Variants in EFR3B observed in about 807,000 individuals in gnomAD.
EFR3B encodes EFR3 homolog B.
A neutral mutation model predicts 104.7 loss-of-function variants in EFR3B; 64 were observed. The observed-to-expected ratio is 0.61, with a 90% CI of 0.50 to 0.75. The LOEUF (loss-of-function observed/expected upper bound fraction) is 0.75. EFR3B is among the 30% of genes least tolerant of loss of function. The pLI is 0.00. For synonymous variants in EFR3B, 385 were observed against 417.9 expected, an observed-to-expected ratio of 0.92 and a Z score of 0.96; for missense variants, 750 against 1,078.5, an observed-to-expected ratio of 0.70 and a Z score of 4.27.
At chr2:25,097,198 A>T (rs538712757) in intron 3 of EFR3B, among the ~76,000 whole-genome samples, 1 of 152,342 alleles carries the variant, frequency 6.6e-6, no homozygotes, top group East Asian at 1.9e-4. Flanking sequence ...AAAATTTAGT[A>T]CCATTCTGTT....
At chr2:25,141,027 C>T (rs531542515) in intron 16 of EFR3B, among the ~76,000 whole-genome samples, 19 of 130,716 alleles carry the variant, frequency 1.5e-4, no homozygotes, top group Non-Finnish European at 2.3e-4. Context: ...GACAAGACAG[C>T]GAGACTCCGT....
At chr2:25,141,245 A>C (rs1277945870) in intron 16 of EFR3B, 121 bp from the exon 17 acceptor site, 17 of 1,003,436 alleles carry the variant, frequency 1.7e-5, no homozygotes, top group Non-Finnish European at 2.3e-5. Context: ...AGCTGAGGAC[A>C]CTGTGCTGAG....
At chr2:25,119,567 C>T (rs1313826567) in intron 4 of EFR3B, among the ~76,000 whole-genome samples, 8 of 152,234 alleles carry the variant, frequency 5.3e-5, no homozygotes, top group East Asian at 1.9e-4. Context: ...CTTGTGATCA[C>T]GTGGATTACC....
chr2:25,128,360 G>A (rs2149203953), intron 6 of EFR3B, 28 bp downstream of exon 6: 1 of 1,551,066 alleles, frequency 6.4e-7, no homozygotes, highest in South Asian at 1.2e-5. Context: ...GGGCAGGACA[G>A]TAGATATAAT....
chr2:25,121,695 A>T lies in EFR3B; in HGVS notation c.386A>T (p.Glu129Val), dbSNP rs1034907838. The change falls in exon 5 of 23, where the codon GAG (glutamate) becomes GTG (valine). Residue 129 changes from glutamate to valine, a missense_variant. By Grantham distance (121) the Glu-to-Val change is moderately radical. Coordinates refer to ENST00000403714, the MANE Select transcript of EFR3B (RefSeq NM_014971.2). ...TAGTTTGTGAAGTTTGCCAACATCG[A>T]GGAGGACACCCCGTCCTATCACCGG... is the stretch of plus-strand genomic sequence containing the variant. ...TNSFVKFANI[E>V]EDTPSYHRSY... 1.9e-6 allele frequency: 3 copies of T among 1,551,594 alleles called. No homozygotes were observed.
Position 25,143,717 on chromosome 2 carries a change from C to T in EFR3B, c.1923-18C>T. ...ATACCGCGGTTCTAACGAACTTTCT[C>T]CCTCCTTCATCTTCCAGGCTGTCTC... On this transcript the variant is annotated intron_variant, in intron 17 of 22. Coordinates refer to ENST00000403714, the MANE Select transcript of EFR3B (RefSeq NM_014971.2). 1 of 1,551,156 alleles carries T rather than the reference C, an allele frequency of 6.4e-7. No individual in the cohort carries two copies. Among genetic ancestry groups the T allele is most frequent in the South Asian group, 1.2e-5 (1 of 84,004 alleles).
intron 1 of EFR3B, among the ~76,000 whole-genome samples, chr2:25,067,935 C>A (rs1473371198): frequency 6.6e-6 from 1 of 152,096 alleles, no homozygotes; most frequent in African/African-American, 2.4e-5. Context: ...CCCACCTTGG[C>A]CCCCAAAGTG....
intron 1 of EFR3B, among the ~76,000 whole-genome samples, chr2:25,090,244 C>T (rs1173691761): frequency 6.6e-6 from 1 of 152,212 alleles, no homozygotes; most frequent in Non-Finnish European, 1.5e-5. Context: ...TCCCAGGCCC[C>T]CCGGGCCCCT....
chr2:25,137,460 G>C lies in EFR3B; in HGVS notation c.1680G>C (p.Glu560Asp). Residue 560 changes from glutamate to aspartate, a missense_variant, in exon 15 of 23, where the codon GAG becomes GAC. Physicochemically the swap from Glu to Asp is conservative, Grantham distance 45 (BLOSUM62 2). Transcript: ENST00000403714. This position sits in a 1 kb window ranked among gnomAD's most constrained non-coding sequence, Gnocchi z 4.7. Reference sequence around the variant, plus strand: ...TCATCAGCATCGAGCTGGCTAACGAGGAGGTGGTGGTGGACCTCATCCGTC... The same window carrying C: ...TCATCAGCATCGAGCTGGCTAACGACGAGGTGGTGGTGGACCTCATCCGTC... Reference protein sequence around the residue: ...LALISIELANEEVVVDLIRLV... With the variant: ...LALISIELANDEVVVDLIRLV... 1 of 1,551,730 alleles carries C rather than the reference G, an allele frequency of 6.4e-7. No individual in the cohort carries two copies.
intron 19 of EFR3B, among the ~76,000 whole-genome samples, chr2:25,148,286 C>T (rs1670885385): frequency 1.3e-5 from 2 of 151,474 alleles, no homozygotes; most frequent in Non-Finnish European, 2.9e-5. Flanking sequence ...CAGAGTCTCC[C>T]TCTGTCGCCC....
At chr2:25,094,297 A>AAAG (rs1669218015) in intron 3 of EFR3B, among the ~76,000 whole-genome samples, 6 of 150,620 alleles carry the variant, frequency 4.0e-5, no homozygotes, top group South Asian at 2.1e-4. Context: ...AAAAAAAAAA[A>AAAG]AAAAGAAAAA....
chr2:25,099,111 G>C (rs1669363674), intron 3 of EFR3B, among the ~76,000 whole-genome samples: 1 of 152,134 alleles, frequency 6.6e-6, no homozygotes, highest in African/African-American at 2.4e-5. Context: ...TACCCGCCAT[G>C]CTTGGCTGCC....
intron 1 of EFR3B, among the ~76,000 whole-genome samples, chr2:25,072,072 T>A (rs1668513111): frequency 6.6e-6 from 1 of 152,202 alleles, no homozygotes; most frequent in Non-Finnish European, 1.5e-5. Context: ...AGTGGTGGAA[T>A]GAGTTTCTAA....
At chr2:25,145,987 A>T (rs1217092180) in intron 19 of EFR3B, 1 of 151,756 alleles carries the variant, frequency 6.6e-6, no homozygotes, top group African/African-American at 2.4e-5. Context: ...AATGACATGC[A>T]TCCCCCACCA....
chr2:25,054,134 G>A (rs1382288880), intron 1 of EFR3B, among the ~76,000 whole-genome samples: 1 of 152,128 alleles, frequency 6.6e-6, no homozygotes, highest in African/African-American at 2.4e-5. Flanking sequence ...CCGTCTTCCA[G>A]CCAGAGGGCC....
chr2:25,153,618 T>C, intron 21 of EFR3B, 94 bp from the exon 22 acceptor site: 2 of 1,284,548 alleles, frequency 1.6e-6, no homozygotes, highest in Non-Finnish European at 2.2e-6. Flanking sequence ...GGCTGCCCTG[T>C]ACCTCCAGCG....
rs373295208 is a variant in EFR3B at position 25,063,784 on chromosome 2, C to T, written c.7+21465C>T. 1.2e-4 allele frequency among the ~76,000 whole-genome samples: 18 copies of T among 152,322 alleles called. No individual in the cohort carries two copies. In the East Asian group the frequency reaches 2.3e-3, roughly 20 times the overall value. ...GATGACAGTGTGGCAGTAACAGGGT[C>T]ACCCTCTCCAGGGGCCTGAGGGTCT... On this transcript the variant is annotated intron_variant, in intron 1 of 22. Coordinates refer to ENST00000403714, the MANE Select transcript of EFR3B (RefSeq NM_014971.2).
intron 1 of EFR3B, among the ~76,000 whole-genome samples, chr2:25,044,965 A>G (rs765224445): frequency 3.3e-5 from 5 of 152,186 alleles, no homozygotes; most frequent in African/African-American, 4.8e-5. Context: ...GAGCCCTTTC[A>G]TGGCTGGGTG....
chr2:25,081,150 C>T, intron 1 of EFR3B: 2 of 707,284 alleles, frequency 2.8e-6, no homozygotes, highest in South Asian at 3.1e-5. Context: ...ATTGCATATT[C>T]CACCCTTTTC....
Sources: gnomAD v4.1 joint callset for allele counts (sites outside exome capture counted in the v4.1 genomes callset) on GRCh38, gnomAD v4.1.1 for gene constraint, Gnocchi (gnomAD v3.1) non-coding constraint, MANE v1.5 for transcripts, NCBI Gene and HGNC (gene_info 2026-07-23, HGNC 2026-07-21) for gene names.